The following EIF4G3 variants were observed in gnomAD, a reference collection of about 807,000 sequenced individuals.
EIF4G3 encodes the protein eukaryotic translation initiation factor 4 gamma 3.
A neutral mutation model predicts 186.4 loss-of-function variants in EIF4G3; 34 were observed. The ratio of observed to expected loss-of-function variants is 0.18; its 90% CI spans 0.14 to 0.24. The LOEUF (loss-of-function observed/expected upper bound fraction) is 0.24. EIF4G3 is among the 10% of genes least tolerant of loss of function. The probability of loss-of-function intolerance (pLI) is 1.00; values close to 1 mark genes in which losing one functional copy is unlikely to be tolerated. For missense variants in EIF4G3, 1,536 were observed against 1,948.5 expected (o/e 0.79, Z 3.99); for synonymous variants, 673 against 679.5 (o/e 0.99, Z 0.15).
At chr1:21,110,980 T>C (rs1488541681) in intron 2 of EIF4G3, among the ~76,000 whole-genome samples, 2 of 152,242 alleles carry the variant, frequency 1.3e-5, no homozygotes, top group Non-Finnish European at 2.9e-5. Flanking sequence ...ACTTTCTCTG[T>C]TAAACTATGA....
chr1:20,863,849 T>C (rs1474959119), intron 22 of EIF4G3, among the ~76,000 whole-genome samples: 3 of 152,034 alleles, frequency 2.0e-5, no homozygotes, highest in Non-Finnish European at 4.4e-5. Flanking sequence ...AGGGTTAAAC[T>C]TTAGGAGTCA....
Position 21,002,659 on chromosome 1 carries a change from C to T in EIF4G3, c.30+54G>A. ...TTTGCCAAAGAAACCCAAGCCACTA[C>T]ACACACAAACACAGGTAGAGAATGT... On this transcript the variant is annotated intron_variant, in intron 5 of 36. Transcript: ENST00000602326. The T allele has an allele frequency of 2.5e-6, 4 of 1,576,744 alleles. No individual in the cohort carries two copies. The South Asian group carries it at 3.5e-5, about 14-fold the overall frequency.
intron 2 of EIF4G3, among the ~76,000 whole-genome samples, chr1:21,127,933 G>A (rs983645809): frequency 2.6e-5 from 4 of 152,148 alleles, no homozygotes; most frequent in Non-Finnish European, 4.4e-5. Flanking sequence ...GGCAGGGCAC[G>A]GTGGCTCATG....
At chr1:20,984,544 T>TTA (rs756259591) in intron 7 of EIF4G3, among the ~76,000 whole-genome samples, 4,172 of 144,814 alleles carry the variant, frequency 0.029, 125 homozygotes, top group African/African-American at 0.076. Flanking sequence ...AACCTAAGCA[T>TTA]TATATATATA....
At chr1:20,816,147 G>A (rs1159763444) in intron 34 of EIF4G3, among the ~76,000 whole-genome samples, 32 of 127,784 alleles carry the variant, frequency 2.5e-4, no homozygotes, top group Non-Finnish European at 5.1e-4. Flanking sequence ...GGGAGGTGAG[G>A]GGCGCCTCTG....
rs2096996457 is a variant in EIF4G3 at position 21,124,782 on chromosome 1, T to C, written c.-271-35569A>G. On this transcript the variant is annotated intron_variant, in intron 2 of 36. Transcript: ENST00000602326. ...ACAATTTTTTCAAGAAGATTGAGAATAACCATTTTAAACCAGTCAAGTTAA... is the reference window on the plus strand; with the variant it reads ...ACAATTTTTTCAAGAAGATTGAGAACAACCATTTTAAACCAGTCAAGTTAA... Among the ~76,000 whole-genome samples the C allele has an allele frequency of 3.9e-5, 6 of 152,316 alleles. No homozygotes were observed. In the South Asian group the frequency reaches 1.2e-3, roughly 32 times the overall value.
intron 15 of EIF4G3, among the ~76,000 whole-genome samples, chr1:20,901,048 G>T (rs995869254): frequency 2.6e-5 from 4 of 152,048 alleles, no homozygotes; most frequent in African/African-American, 9.7e-5. Context: ...ATGGTTTTTA[G>T]ACTCTGTTTC....
At chr1:21,157,718 CTAAA>C (rs1176347407) in intron 2 of EIF4G3, among the ~76,000 whole-genome samples, 4 of 152,170 alleles carry the variant, frequency 2.6e-5, no homozygotes, top group African/African-American at 4.8e-5. Flanking sequence ...TAATTATTGA[CTAAA>C]TAATTATTGT....
At chr1:21,125,709 ACT>A (rs762625306) in intron 2 of EIF4G3, among the ~76,000 whole-genome samples, 2 of 150,974 alleles carry the variant, frequency 1.3e-5, no homozygotes, top group African/African-American at 4.9e-5. Context: ...ATAGAGCAAG[ACT>A]CTGTATCGAA....
In EIF4G3 at chr1:21,068,375, T is replaced by TAAAAAAAAAAAAAAAAAAAAAAAAAAAA. The variant is rs869306512; in HGVS notation, c.-195-17382_-195-17381insTTTTTTTTTTTTTTTTTTTTTTTTTTTT. 1.3e-4 allele frequency among the ~76,000 whole-genome samples: 9 copies of TAAAAAAAAAAAAAAAAAAAAAAAAAAAA among 67,830 alleles called. 1 individual carries two copies. The highest frequency in any genetic ancestry group is 8.2e-4 in the East Asian group (2 of 2,450). The allele number at this position is 67,830 out of a possible 152,430, so 44.5% of individuals were successfully genotyped here. A position where few individuals can be genotyped will look rare whatever the true frequency, so the allele number is the denominator to read the frequency against. On this transcript the variant is annotated intron_variant, in intron 3 of 36. Transcript: ENST00000602326. ...GGGCGACAGAGTGAAACTCTGTCTT[T>TAAAAAAAAAAAAAAAAAAAAAAAAAAAA]AAAAAAAAAAAAAAAAAAAAAAAAA...
intron 27 of EIF4G3, among the ~76,000 whole-genome samples, chr1:20,852,875 T>C (rs930355120): frequency 1.7e-4 from 26 of 152,040 alleles, no homozygotes; most frequent in Admixed American, 1.5e-3. Context: ...CTAATCAAAC[T>C]TATTACAATA....
intron 3 of EIF4G3, among the ~76,000 whole-genome samples, chr1:21,066,292 AG>A (rs1161419467): frequency 0.024 from 497 of 20,292 alleles, 1 homozygote; most frequent in South Asian, 0.14. Context: ...CCACTCCTGG[AG>A]GAAAAAAAAA....
chr1:21,053,456 G>C (rs1278676239), intron 3 of EIF4G3, among the ~76,000 whole-genome samples: 4 of 149,804 alleles, frequency 2.7e-5, no homozygotes, highest in East Asian at 4.1e-4. Flanking sequence ...GCCCCGTCCG[G>C]GAGGTGAGGG....
chr1:20,960,932 C>T (rs922744586), intron 12 of EIF4G3, among the ~76,000 whole-genome samples: 17 of 152,276 alleles, frequency 1.1e-4, no homozygotes, highest in Admixed American at 7.8e-4. Context: ...CCAAAAGAAA[C>T]GTGTACAACA....
At chr1:20,909,671 T>G (rs1268761445) in intron 14 of EIF4G3, among the ~76,000 whole-genome samples, 1 of 152,160 alleles carries the variant, frequency 6.6e-6, no homozygotes, top group Non-Finnish European at 1.5e-5. Context: ...TTTGTTTTTT[T>G]CCCCCACAAA....
intron 27 of EIF4G3, among the ~76,000 whole-genome samples, chr1:20,853,075 C>T (rs1356692503): frequency 1.3e-5 from 2 of 151,970 alleles, no homozygotes; most frequent in Non-Finnish European, 2.9e-5. Context: ...TACAGGGTGC[C>T]CATTCATTTT....
intron 29 of EIF4G3, among the ~76,000 whole-genome samples, chr1:20,843,916 C>G (rs764114627): frequency 1.3e-5 from 2 of 152,152 alleles, no homozygotes; most frequent in Non-Finnish European, 2.9e-5. Flanking sequence ...ATTTGCTTTT[C>G]TGTTCCTGCA....
intron 2 of EIF4G3, among the ~76,000 whole-genome samples, chr1:21,144,482 C>T (rs2097400522): frequency 6.6e-6 from 1 of 151,652 alleles, no homozygotes; most frequent in Non-Finnish European, 1.5e-5. Context: ...GTCTCAAACT[C>T]CTGGCCTCAA....
chr1:20,951,845 A>C (rs1293549582), intron 12 of EIF4G3, among the ~76,000 whole-genome samples: 1 of 152,216 alleles, frequency 6.6e-6, no homozygotes, highest in African/African-American at 2.4e-5. Flanking sequence ...TACTAGAGTC[A>C]ATGATTTTTC....
Sources: gnomAD v4.1 joint callset for allele counts (sites outside exome capture counted in the v4.1 genomes callset) on GRCh38, gnomAD v4.1.1 for gene constraint, MANE v1.5 for transcripts, NCBI Gene and HGNC (gene_info 2026-07-23, HGNC 2026-07-21) for gene names.